ATG10: variants seen among roughly 807,000 people sequenced by gnomAD.
The protein encoded by ATG10 is ubiquitin-like-conjugating enzyme ATG10.
In ATG10, 30 loss-of-function variants were observed where a neutral mutation model predicts 32.1. The observed-to-expected ratio is 0.94, with a 90% confidence interval of 0.70 to 1.27. The LOEUF (loss-of-function observed/expected upper bound fraction) is 1.27, where lower values mean the gene tolerates loss of function less well. Among genes scored for constraint, ATG10 ranks in the 50% most tolerant of loss-of-function variants. The pLI, the probability that ATG10 is intolerant of heterozygous loss-of-function variation, is 0.00. For synonymous variants in ATG10, 87 were observed against 91.5 expected, an observed-to-expected ratio of 0.95 and a Z score of 0.28; for missense variants, 233 against 262.3, an observed-to-expected ratio of 0.89 and a Z score of 0.77.
chr5:82,208,151 G>A (rs1745369709), intron 5 of ATG10, among the ~76,000 whole-genome samples: 1 of 151,940 alleles, frequency 6.6e-6, no homozygotes, highest in African/African-American at 2.4e-5. Flanking sequence ...TCTGTTTTTG[G>A]ATTCTCTGTT....
chr5:81,990,956 CA>C (rs1372911888), intron 2 of ATG10, among the ~76,000 whole-genome samples: 3 of 152,180 alleles, frequency 2.0e-5, no homozygotes, highest in African/African-American at 7.2e-5. Context: ...CAGTGAGGAC[CA>C]AACGAAACAT....
At chr5:82,083,862 A>G (rs891816051) in intron 3 of ATG10, among the ~76,000 whole-genome samples, 2 of 152,228 alleles carry the variant, frequency 1.3e-5, no homozygotes, top group African/African-American at 4.8e-5. Context: ...ATAAAACCAC[A>G]AAGATGCAGA....
chr5:82,062,415 G>A (rs1581649754), intron 3 of ATG10, among the ~76,000 whole-genome samples: 1 of 152,100 alleles, frequency 6.6e-6, no homozygotes, highest in Non-Finnish European at 1.5e-5. Flanking sequence ...TAGACTTGGA[G>A]ATAGAAATTG....
chr5:82,159,951 C>T (rs1024188786), intron 3 of ATG10, among the ~76,000 whole-genome samples: 1 of 152,136 alleles, frequency 6.6e-6, no homozygotes, highest in African/African-American at 2.4e-5. Context: ...GTAGTAACTT[C>T]TTCTAAAACT....
chr5:82,139,575 C>T (rs1441138062), intron 3 of ATG10, among the ~76,000 whole-genome samples: 8 of 146,486 alleles, frequency 5.5e-5, no homozygotes, highest in South Asian at 4.5e-4. Flanking sequence ...CCGGCCGCCC[C>T]GTCTGAGAAG....
rs568340466 is a variant in ATG10 at position 81,989,684 on chromosome 5, C to T, written c.108+2006C>T. On this transcript the variant is annotated intron_variant, in intron 2 of 7. Coordinates refer to ENST00000282185, the MANE Select transcript of ATG10 (RefSeq NM_031482.5). The stretch of plus-strand genomic sequence containing the variant: ...CACGATCTCAGCTCACTGCAAGCTC[C>T]GCTTCCCGGGTTCAGCCATTCTCCT... Among the ~76,000 whole-genome samples the T allele has an allele frequency of 1.2e-3, 179 of 152,040 alleles. 2 individuals carry two copies. Among genetic ancestry groups the T allele is most frequent in the Admixed American group, 2.3e-3 (35 of 15,272 alleles).
chr5:82,050,360 A>G (rs1411145165), intron 2 of ATG10, among the ~76,000 whole-genome samples: 3 of 152,022 alleles, frequency 2.0e-5, no homozygotes, highest in Non-Finnish European at 1.5e-5. Context: ...GATTCCTGCT[A>G]TAATAGATGA....
chr5:82,129,164 C>T (rs147892034), intron 3 of ATG10, among the ~76,000 whole-genome samples: 193 of 151,798 alleles, frequency 1.3e-3, no homozygotes, highest in African/African-American at 4.2e-3. Flanking sequence ...GTATGCTTCA[C>T]GAAGTTCTCA....
chr5:82,030,762 C>T (rs887778478), intron 2 of ATG10, among the ~76,000 whole-genome samples: 1 of 152,192 alleles, frequency 6.6e-6, no homozygotes, highest in African/African-American at 2.4e-5. Flanking sequence ...ATAATCCCTA[C>T]GTGACAGCCT....
intron 2 of ATG10, among the ~76,000 whole-genome samples, chr5:82,039,494 A>G (rs1056238752): frequency 6.6e-6 from 1 of 152,196 alleles, no homozygotes; most frequent in Non-Finnish European, 1.5e-5. Flanking sequence ...TTTGAAGAAG[A>G]TTTTCTTAAA....
chr5:82,021,960 T>A (rs937411615), intron 2 of ATG10, among the ~76,000 whole-genome samples: 2 of 150,756 alleles, frequency 1.3e-5, no homozygotes, highest in Non-Finnish European at 3.0e-5. Context: ...GAGGCAGAGG[T>A]TGCAGTGAAC....
chr5:82,238,764 A>G (rs1746670903), intron 5 of ATG10, among the ~76,000 whole-genome samples: 1 of 152,186 alleles, frequency 6.6e-6, no homozygotes, highest in African/African-American at 2.4e-5. Flanking sequence ...ATGCATAAGT[A>G]AAAAAACATA....
chr5:82,094,434 A>G (rs72776867), intron 3 of ATG10, among the ~76,000 whole-genome samples: 5 of 152,208 alleles, frequency 3.3e-5, no homozygotes, highest in Admixed American at 1.3e-4. Context: ...AATGATATAT[A>G]TAGGTGACAA....
chr5:82,140,195 G>T (rs371377197), intron 3 of ATG10, among the ~76,000 whole-genome samples: 2 of 18,256 alleles, frequency 1.1e-4, no homozygotes, highest in South Asian at 2.9e-3. Flanking sequence ...AGGGAGGTGG[G>T]GGGGTCAGCC....
chr5:82,223,571 A>G (rs969607803), intron 5 of ATG10, among the ~76,000 whole-genome samples: 1 of 152,250 alleles, frequency 6.6e-6, no homozygotes. Context: ...GGTGGTGTAT[A>G]TAAACAGCAC....
At position 82,255,139 on chromosome 5, in the gene ATG10, T is replaced by C. The variant is rs1337028394; in HGVS notation, c.*1076T>C. On this transcript the variant is annotated 3_prime_UTR_variant, in exon 8 of 8. Coordinates refer to ENST00000282185, the MANE Select transcript of ATG10 (RefSeq NM_031482.5). ...TCTCAACCCCACAGCTGCTCTGCTG[T>C]ACTCTTTGAGGGCTCTTGAGCGAGT... The C allele has an allele frequency of 6.6e-6, 1 of 152,212 alleles. No individual in the cohort carries two copies. Among genetic ancestry groups the C allele is most frequent in the African/African-American group, 2.4e-5 (1 of 41,448 alleles). The allele number at this position is 152,212 out of a possible 1,614,324, so 9.4% of individuals were successfully genotyped here.
intron 2 of ATG10, among the ~76,000 whole-genome samples, chr5:82,033,896 T>A (rs1001361636): frequency 6.7e-6 from 1 of 149,818 alleles, no homozygotes; most frequent in African/African-American, 2.4e-5. Context: ...TTTATAGATG[T>A]ATATATGTAC....
At chr5:82,006,181 ATTTTTAAAATGGATTC>A (rs1761982188) in intron 2 of ATG10, among the ~76,000 whole-genome samples, 1 of 152,154 alleles carries the variant, frequency 6.6e-6, no homozygotes, top group African/African-American at 2.4e-5. Flanking sequence ...TTAAATTCAT[ATTTTTAAAATGGATTC>A]TAAAAATCTC....
chr5:82,127,640 G>A (rs779852527), intron 3 of ATG10, among the ~76,000 whole-genome samples: 10 of 152,216 alleles, frequency 6.6e-5, no homozygotes, highest in East Asian at 5.8e-4. Context: ...TTGCACTGTG[G>A]TCTGAGAGAC....
Sources: gnomAD v4.1 joint callset for allele counts (sites outside exome capture counted in the v4.1 genomes callset) on GRCh38, gnomAD v4.1.1 for gene constraint, MANE v1.5 for transcripts, NCBI Gene and HGNC (gene_info 2026-07-23, HGNC 2026-07-21) for gene names.